FAXC: variants seen among roughly 807,000 people sequenced by gnomAD.
FAXC encodes failed axon connections homolog, metaxin like GST domain containing.
Under a neutral mutation model 41.9 loss-of-function variants are expected in FAXC, and 10 were observed. The ratio of observed to expected loss-of-function variants is 0.24; its 90% CI spans 0.15 to 0.41. The LOEUF (loss-of-function observed/expected upper bound fraction) is 0.41. Among genes scored for constraint, FAXC ranks in the 10% least tolerant of loss-of-function variants. The pLI, the probability that FAXC is intolerant of heterozygous loss-of-function variation, is 1.00. For missense variants in FAXC, 399 were observed against 510.9 expected, an observed-to-expected ratio of 0.78 and a Z score of 2.11; for synonymous variants, 183 against 183.8, an observed-to-expected ratio of 1.00 and a Z score of 0.03.
rs1161952810 is a variant in FAXC, at chr6:99,280,213, A to G, written c.*951T>C. 1 of 152,246 alleles carries G rather than the reference A, an allele frequency of 6.6e-6. No individual in the cohort carries two copies. The highest frequency in any genetic ancestry group is 1.5e-5 in the Non-Finnish European group (1 of 68,050). The allele number at this position is 152,246 out of a possible 1,614,324, so 9.4% of individuals were successfully genotyped here. A position where few individuals can be genotyped will look rare whatever the true frequency, so the allele number is the denominator to read the frequency against. On this transcript the variant is annotated 3_prime_UTR_variant, in exon 6 of 6. Coordinates refer to ENST00000389677, the MANE Select transcript of FAXC (RefSeq NM_032511.4). ...GTAGCTGTCGATAATTTGTAAAAACATTTCCAATGTTCTTTGAACAAAAGA... is the reference window on the plus strand; with the variant it reads ...GTAGCTGTCGATAATTTGTAAAAACGTTTCCAATGTTCTTTGAACAAAAGA...
At chr6:99,322,840 T>G (rs1772641701) in intron 4 of FAXC, among the ~76,000 whole-genome samples, 1 of 152,200 alleles carries the variant, frequency 6.6e-6, no homozygotes, top group Non-Finnish European at 1.5e-5. Context: ...CTGCTCTCTG[T>G]GCTTCTCTTT....
At chr6:99,333,921 T>C (rs974823308) in intron 2 of FAXC, among the ~76,000 whole-genome samples, 1 of 151,990 alleles carries the variant, frequency 6.6e-6, no homozygotes, top group Admixed American at 6.6e-5. Flanking sequence ...ACTCAAAAAG[T>C]CAATATAAAC....
intron 2 of FAXC, among the ~76,000 whole-genome samples, chr6:99,334,945 C>T (rs1773163173): frequency 6.6e-6 from 1 of 152,150 alleles, no homozygotes; most frequent in Non-Finnish European, 1.5e-5. Flanking sequence ...GTTTGCCCAC[C>T]TCCCTGACTT....
intron 3 of FAXC, among the ~76,000 whole-genome samples, chr6:99,327,037 G>A (rs1201984255): frequency 2.0e-5 from 3 of 152,178 alleles, no homozygotes; most frequent in East Asian, 1.9e-4. Context: ...CGAAACACTG[G>A]CTTGATTCAG....
intron 4 of FAXC, among the ~76,000 whole-genome samples, chr6:99,318,308 A>AAAAAAATAG (rs1772455412): frequency 8.3e-6 from 1 of 120,856 alleles, no homozygotes; most frequent in Admixed American, 8.2e-5. Context: ...CACACACACA[A>AAAAAAATAG]AATAGAAGAA....
chr6:99,319,502 G>C (rs911538543), intron 4 of FAXC, among the ~76,000 whole-genome samples: 13 of 150,430 alleles, frequency 8.6e-5, no homozygotes, highest in Non-Finnish European at 1.8e-4. Flanking sequence ...CTCCACATTT[G>C]CCTGCTGTTT....
In FAXC at chr6:99,333,335, C is replaced by A. The variant is rs1045329376; in HGVS notation, c.599+16G>T. On this transcript the variant is annotated intron_variant, in intron 3 of 5. Transcript: ENST00000389677. ...GCTTACTTCGAAAGGACGGGGACAC[C>A]CCAGAGGGGACTCACCAGTAGAAGT... 6.3e-7 allele frequency: 1 copy of A among 1,595,792 alleles called. No homozygotes were observed. The highest frequency in any genetic ancestry group is 8.5e-7 in the Non-Finnish European group (1 of 1,172,792).
intron 2 of FAXC, among the ~76,000 whole-genome samples, chr6:99,342,304 T>C (rs1005895575): frequency 1.3e-5 from 2 of 151,722 alleles, no homozygotes; most frequent in Non-Finnish European, 2.9e-5. Context: ...CCCATCTTTG[T>C]CAAGGCTCAG....
intron 1 of FAXC, among the ~76,000 whole-genome samples, chr6:99,346,841 AAAC>A (rs1773614306): frequency 6.6e-6 from 1 of 152,222 alleles, no homozygotes; most frequent in Non-Finnish European, 1.5e-5. Flanking sequence ...TGAAATGAAC[AAAC>A]AACAGTTGTG....
At chr6:99,307,491 C>T (rs1339103166) in intron 4 of FAXC, among the ~76,000 whole-genome samples, 1 of 152,022 alleles carries the variant, frequency 6.6e-6, no homozygotes, top group Admixed American at 6.5e-5. Context: ...TGACTGAGCT[C>T]AGTCTTGACT....
rs1770749552 is a variant in FAXC at position 99,279,523 on chromosome 6, G to A, written c.*1641C>T. On this transcript the variant is annotated 3_prime_UTR_variant, in exon 6 of 6. Coordinates refer to ENST00000389677, the MANE Select transcript of FAXC (RefSeq NM_032511.4). ...CAGAAGTTGCTGTATTTTAAGAAGT[G>A]CCTCTTTAACCCCATAATGAGCAAT... 1 of 151,430 alleles carries A rather than the reference G, an allele frequency of 6.6e-6. No homozygotes were observed. Among genetic ancestry groups the A allele is most frequent in the African/African-American group, 2.4e-5 (1 of 41,144 alleles). The allele number at this position is 151,430 out of a possible 1,614,324, so 9.4% of individuals were successfully genotyped here. A position where few individuals can be genotyped will look rare whatever the true frequency, so the allele number is the denominator to read the frequency against.
intron 5 of FAXC, chr6:99,284,216 C>T (rs1770932603): frequency 6.6e-6 from 1 of 152,176 alleles, no homozygotes; most frequent in Non-Finnish European, 1.5e-5. Flanking sequence ...CACTACCTGT[C>T]ATGGAATATT....
intron 4 of FAXC, among the ~76,000 whole-genome samples, chr6:99,305,129 G>T (rs1052477035): frequency 6.6e-6 from 1 of 152,172 alleles, no homozygotes; most frequent in Non-Finnish European, 1.5e-5. Flanking sequence ...TGAGAATTCA[G>T]CTTGTGGAGA....
At chr6:99,342,491 T>A (rs924630720) in intron 2 of FAXC, among the ~76,000 whole-genome samples, 1 of 152,076 alleles carries the variant, frequency 6.6e-6, no homozygotes, top group Non-Finnish European at 1.5e-5. Flanking sequence ...ATTACAGGCG[T>A]CTGCCACTAG....
At chr6:99,336,334 C>T (rs1773216084) in intron 2 of FAXC, among the ~76,000 whole-genome samples, 1 of 152,074 alleles carries the variant, frequency 6.6e-6, no homozygotes, top group Non-Finnish European at 1.5e-5. Flanking sequence ...CAGGAAACTC[C>T]TTGTGATCCT....
chr6:99,282,501 G>A (rs866459104), intron 5 of FAXC, among the ~76,000 whole-genome samples: 3 of 152,068 alleles, frequency 2.0e-5, no homozygotes, highest in South Asian at 2.1e-4. Context: ...GGTCCCACTC[G>A]GTCACTAGAT....
chr6:99,319,420 A>G (rs920359673), intron 4 of FAXC, among the ~76,000 whole-genome samples: 1 of 151,196 alleles, frequency 6.6e-6, no homozygotes. Flanking sequence ...AAAAAAAAAA[A>G]AAGCAAACCC....
At chr6:99,304,314 TA>T (rs889778980) in intron 4 of FAXC, among the ~76,000 whole-genome samples, 18 of 147,704 alleles carry the variant, frequency 1.2e-4, no homozygotes, top group South Asian at 6.4e-4. Flanking sequence ...TAAAATAATT[TA>T]AAAAAAAAAC....
chr6:99,315,508 G>A (rs1319314386), intron 4 of FAXC, among the ~76,000 whole-genome samples: 1 of 152,096 alleles, frequency 6.6e-6, no homozygotes, highest in Non-Finnish European at 1.5e-5. Context: ...AAAAAGCCTG[G>A]CACACTGTTC....
Sources: gnomAD v4.1 joint callset for allele counts (sites outside exome capture counted in the v4.1 genomes callset) on GRCh38, gnomAD v4.1.1 for gene constraint, MANE v1.5 for transcripts, NCBI Gene and HGNC (gene_info 2026-07-23, HGNC 2026-07-21) for gene names.